The following AGAP1 variants were observed in gnomAD, a reference collection of about 807,000 sequenced individuals.
AGAP1 encodes arf-GAP with GTPase, ANK repeat and PH domain-containing protein 1.
In AGAP1, 29 loss-of-function variants were observed where a neutral mutation model predicts 105.3. The ratio of observed to expected loss-of-function variants is 0.28; its 90% CI spans 0.21 to 0.38. The LOEUF (loss-of-function observed/expected upper bound fraction) is 0.38, where lower values mean the gene tolerates loss of function less well. AGAP1 is among the 10% of genes least tolerant of loss of function. The pLI, the probability that AGAP1 is intolerant of heterozygous loss-of-function variation, is 1.00. For synonymous variants in AGAP1, 509 were observed against 485.9 expected (o/e 1.05, Z -0.63); for missense variants, 998 against 1,165.1 (o/e 0.86, Z 2.09).
At position 235,934,856 on chromosome 2, in the gene AGAP1, A is replaced by C. The variant is rs1023918086; in HGVS notation, c.1483+3933A>C. ...GTTGTGCACTCTTACTCTAAAACAT[A>C]ATAATCACGGCAACATTGGGATTCA... On this transcript the variant is annotated intron_variant, in intron 12 of 17. Transcript: ENST00000304032. This position sits in a 1 kb window ranked among gnomAD's most constrained non-coding sequence, Gnocchi z 4.9. Among the ~76,000 whole-genome samples, 1 of 152,160 alleles carries C rather than the reference A, an allele frequency of 6.6e-6. No homozygotes were observed. Among genetic ancestry groups the C allele is most frequent in the African/African-American group, 2.4e-5 (1 of 41,440 alleles).
At chr2:235,567,742 G>A (rs1192302642) in intron 1 of AGAP1, among the ~76,000 whole-genome samples, 1 of 151,660 alleles carries the variant, frequency 6.6e-6, no homozygotes, top group Non-Finnish European at 1.5e-5. Flanking sequence ...GTGGCACTGG[G>A]GGGTGGGCAG....
Position 235,887,861 on chromosome 2 carries a change from T to C in AGAP1, c.1155+4412T>C, listed in dbSNP as rs2050343217. On this transcript the variant is annotated intron_variant, in intron 10 of 17. Coordinates refer to ENST00000304032, the MANE Select transcript of AGAP1 (RefSeq NM_001037131.3). This position sits in a 1 kb window ranked among gnomAD's most constrained non-coding sequence, Gnocchi z 4.1. ...TTCTAATCAGCTAATACTTCTATTA[T>C]GGGGTGCTGACTTGAGAGCGCCAGG... Among the ~76,000 whole-genome samples, 1 of 152,170 alleles carries C rather than the reference T, an allele frequency of 6.6e-6. No homozygotes were observed. The highest frequency in any genetic ancestry group is 2.4e-5 in the African/African-American group (1 of 41,432).
Position 236,058,683 on chromosome 2 carries a change from CA to C in AGAP1, c.2114+9403del, listed in dbSNP as rs888217263. On this transcript the variant is annotated intron_variant, in intron 16 of 17. Transcript: ENST00000304032. This position sits in a 1 kb window ranked among gnomAD's most constrained non-coding sequence, Gnocchi z 4.6. ...ATCACAAACAAGACAAGAATGTCACCAGATCTGTTCAGCATTATACTGGAGG... is the reference window on the plus strand; with the variant it reads ...ATCACAAACAAGACAAGAATGTCACCGATCTGTTCAGCATTATACTGGAGG... 4.6e-5 allele frequency among the ~76,000 whole-genome samples: 7 copies of C among 152,124 alleles called. No individual in the cohort carries two copies. Among genetic ancestry groups the C allele is most frequent in the African/African-American group, 1.7e-4 (7 of 41,412 alleles).
intron 1 of AGAP1, among the ~76,000 whole-genome samples, chr2:235,565,878 G>T (rs774187080): frequency 6.6e-6 from 1 of 151,680 alleles, no homozygotes. Flanking sequence ...AGGCTGGTGG[G>T]CAATTTGTCC....
chr2:235,643,431 CAAAAAAAAAAAA>C (rs56146940), intron 1 of AGAP1, among the ~76,000 whole-genome samples: 40 of 61,422 alleles, frequency 6.5e-4, no homozygotes, highest in Admixed American at 1.0e-3. Context: ...GACTGGGTCT[CAAAAAAAAAAAA>C]AAAAAAAAAA....
At chr2:235,952,332 C>CAAAG (rs1398444987) in intron 12 of AGAP1, among the ~76,000 whole-genome samples, 3 of 151,692 alleles carry the variant, frequency 2.0e-5, no homozygotes, top group African/African-American at 7.3e-5. Flanking sequence ...CAGTGTCTGT[C>CAAAG]AAAGAAGTTA....
intron 12 of AGAP1, among the ~76,000 whole-genome samples, chr2:235,933,278 CAG>C (rs2125166343): frequency 6.6e-6 from 1 of 152,082 alleles, no homozygotes; most frequent in South Asian, 2.1e-4. Flanking sequence ...GACAAAGACC[CAG>C]AGAGGAGGAA....
Position 235,638,153 on chromosome 2 carries a change from C to G in AGAP1, c.164-71026C>G, listed in dbSNP as rs143286115. On this transcript the variant is annotated intron_variant, in intron 1 of 17. Coordinates refer to ENST00000304032, the MANE Select transcript of AGAP1 (RefSeq NM_001037131.3). ...ATTAACCATAACAGGTGTGGGTAGA[C>G]AGTCAGGAGAGCAAGACTCTAGTTG... 9.2e-5 allele frequency among the ~76,000 whole-genome samples: 14 copies of G among 152,258 alleles called. No individual in the cohort carries two copies. The East Asian group carries it at 2.7e-3, about 29-fold the overall frequency.
chr2:235,741,877 C>G lies in AGAP1; in HGVS notation c.396+829C>G, dbSNP rs1225262005. Among the ~76,000 whole-genome samples the G allele has an allele frequency of 6.6e-6, 1 of 151,884 alleles. No individual in the cohort carries two copies. Among genetic ancestry groups the G allele is most frequent in the Non-Finnish European group, 1.5e-5 (1 of 68,002 alleles). On this transcript the variant is annotated intron_variant, in intron 4 of 17. Coordinates refer to ENST00000304032, the MANE Select transcript of AGAP1 (RefSeq NM_001037131.3). This position sits in a 1 kb window ranked among gnomAD's most constrained non-coding sequence, Gnocchi z 4.9. ...CAGGCCATTCTCCTGCCTCAGCCTC[C>G]TGAGTAGCTGGGACTACGGGCGCCT...
chr2:235,646,045 G>T (rs984191444), intron 1 of AGAP1, among the ~76,000 whole-genome samples: 1 of 152,114 alleles, frequency 6.6e-6, no homozygotes, highest in Non-Finnish European at 1.5e-5. Flanking sequence ...AGGAGTCCCA[G>T]ATGGGCAGAT....
chr2:235,828,885 A>G (rs1359537202), intron 9 of AGAP1, among the ~76,000 whole-genome samples: 1 of 152,234 alleles, frequency 6.6e-6, no homozygotes, highest in Non-Finnish European at 1.5e-5. Context: ...CCGAGAAAGA[A>G]CAGACCTTGA....
rs1951769602 is a variant in AGAP1 at position 235,728,460 on chromosome 2, C to G, written c.310+10816C>G. On this transcript the variant is annotated intron_variant, in intron 3 of 17. Coordinates refer to ENST00000304032, the MANE Select transcript of AGAP1 (RefSeq NM_001037131.3). This position sits in a 1 kb window ranked among gnomAD's most constrained non-coding sequence, Gnocchi z 4.3. ...ATTGACCCAGACCAGAAATGGAAAC[C>G]TGATTCAACTCACAGTGTAGTCCTT... is the stretch of plus-strand genomic sequence containing the variant. Among the ~76,000 whole-genome samples, 1 of 152,068 alleles carries G rather than the reference C, an allele frequency of 6.6e-6. No homozygotes were observed. The highest frequency in any genetic ancestry group is 6.5e-5 in the Admixed American group (1 of 15,268).
At chr2:235,674,206 G>A (rs887360501) in intron 1 of AGAP1, among the ~76,000 whole-genome samples, 1 of 152,192 alleles carries the variant, frequency 6.6e-6, no homozygotes, top group Admixed American at 6.5e-5. Flanking sequence ...TGCTCCCTCT[G>A]TGTAAGGCTT....
intron 1 of AGAP1, among the ~76,000 whole-genome samples, chr2:235,696,985 C>CAAA (rs548086109): frequency 7.0e-6 from 1 of 143,370 alleles, no homozygotes; most frequent in Admixed American, 7.0e-5. Context: ...GACTCGATCT[C>CAAA]AAAAAAAAAA....
At chr2:235,598,346 T>C (rs564455637) in intron 1 of AGAP1, among the ~76,000 whole-genome samples, 1 of 152,320 alleles carries the variant, frequency 6.6e-6, no homozygotes, top group South Asian at 2.1e-4. Flanking sequence ...TTTTTACATG[T>C]ATGTAAGCTC....
intron 1 of AGAP1, among the ~76,000 whole-genome samples, chr2:235,537,817 GT>G (rs970210678): frequency 6.6e-6 from 1 of 151,212 alleles, no homozygotes; most frequent in African/African-American, 2.4e-5. Flanking sequence ...TGTGTTTTGT[GT>G]TTTTTTTTCC....
At chr2:235,669,433 C>T (rs1362396063) in intron 1 of AGAP1, among the ~76,000 whole-genome samples, 3 of 151,810 alleles carry the variant, frequency 2.0e-5, no homozygotes, top group Non-Finnish European at 4.4e-5. Flanking sequence ...TGGGCTGGGC[C>T]CCTCGGAGGC....
At chr2:236,037,439 C>G (rs142993515) in intron 14 of AGAP1, 1 of 152,246 alleles carries the variant, frequency 6.6e-6, no homozygotes, top group African/African-American at 2.4e-5. Context: ...TCTCTGTCAC[C>G]TAGGCTGGAG....
In AGAP1 at chr2:235,655,853, T is replaced by C. The variant is rs1947753594; in HGVS notation, c.164-53326T>C. Among the ~76,000 whole-genome samples, 1 of 152,242 alleles carries C rather than the reference T, an allele frequency of 6.6e-6. No homozygotes were observed. Among genetic ancestry groups the C allele is most frequent in the East Asian group, 1.9e-4 (1 of 5,204 alleles). ...TATTTTTTTAAGTGAGGCACCATCC[T>C]GGATGCTGGGGAAGAATCTTTGTTG... On this transcript the variant is annotated intron_variant, in intron 1 of 17. Coordinates refer to ENST00000304032, the MANE Select transcript of AGAP1 (RefSeq NM_001037131.3). This position sits in a 1 kb window ranked among gnomAD's most constrained non-coding sequence, Gnocchi z 4.3.
Sources: gnomAD v4.1 joint callset for allele counts (sites outside exome capture counted in the v4.1 genomes callset) on GRCh38, gnomAD v4.1.1 for gene constraint, Gnocchi (gnomAD v3.1) non-coding constraint, MANE v1.5 for transcripts, NCBI Gene and HGNC (gene_info 2026-07-23, HGNC 2026-07-21) for gene names.